Variants in PARD3 observed in about 807,000 individuals in gnomAD.
PARD3 encodes partitioning defective 3 homolog.
A neutral mutation model predicts 155.4 loss-of-function variants in PARD3; 75 were observed. The observed-to-expected ratio is 0.48, with a 90% CI of 0.40 to 0.58. The LOEUF is 0.58. Among genes scored for constraint, PARD3 ranks in the 20% least tolerant of loss-of-function variants. PARD3 has a pLI of 0.00. For synonymous variants in PARD3, 576 were observed against 610.5 expected, an observed-to-expected ratio of 0.94 and a Z score of 0.83; for missense variants, 1,642 against 1,721.7, an observed-to-expected ratio of 0.95 and a Z score of 0.82.
At chr10:34,765,671 CA>C (rs112970917) in intron 1 of PARD3, among the ~76,000 whole-genome samples, 130 of 135,830 alleles carry the variant, frequency 9.6e-4, no homozygotes, top group Middle Eastern at 3.9e-3. Context: ...GAGTAAGACT[CA>C]AAAAAAAAAA....
At chr10:34,666,796 A>AAAAATAT (rs1358640964) in intron 2 of PARD3, among the ~76,000 whole-genome samples, 24 of 66,936 alleles carry the variant, frequency 3.6e-4, no homozygotes, top group African/African-American at 1.5e-3. Context: ...AAAAAAAAAA[A>AAAAATAT]ATATATATAT....
At chr10:34,689,329 GAC>G (rs1474723640) in intron 2 of PARD3, among the ~76,000 whole-genome samples, 1 of 152,200 alleles carries the variant, frequency 6.6e-6, no homozygotes, top group Admixed American at 6.5e-5. Context: ...GTCCAGCCAT[GAC>G]TGTGAATCTG....
intron 22 of PARD3, among the ~76,000 whole-genome samples, chr10:34,234,863 G>A (rs1263991792): frequency 1.3e-5 from 2 of 152,080 alleles, no homozygotes; most frequent in Admixed American, 1.3e-4. Context: ...CAAATAATTG[G>A]TAAAAACAGA....
At chr10:34,171,578 C>T (rs544037131) in intron 22 of PARD3, among the ~76,000 whole-genome samples, 135 of 152,232 alleles carry the variant, frequency 8.9e-4, no homozygotes, top group African/African-American at 3.1e-3. Context: ...CATGGTCCTC[C>T]TACCCCTCCT....
At chr10:34,146,216 C>T (rs1948497990) in intron 22 of PARD3, among the ~76,000 whole-genome samples, 1 of 152,126 alleles carries the variant, frequency 6.6e-6, no homozygotes, top group Admixed American at 6.5e-5. Flanking sequence ...TTCTGTTATT[C>T]TTAATTCTCA....
At chr10:34,617,747 A>AG (rs2091356360) in intron 2 of PARD3, among the ~76,000 whole-genome samples, 1 of 152,240 alleles carries the variant, frequency 6.6e-6, no homozygotes, top group African/African-American at 2.4e-5. Flanking sequence ...AGACATGAGT[A>AG]GGCAGCCTTC....
chr10:34,718,781 G>A (rs1366160568), intron 1 of PARD3, among the ~76,000 whole-genome samples: 1 of 152,120 alleles, frequency 6.6e-6, no homozygotes, highest in Non-Finnish European at 1.5e-5. Context: ...TGACCAACAT[G>A]GTGAAACCCT....
At position 34,784,767 on chromosome 10, in the gene PARD3, C is replaced by G. The variant is rs1349893268; in HGVS notation, c.120+30109G>C. Reference sequence around the variant, plus strand: ...ATACTTTTTTAAGGATTTTCTTCCCCTTTTTTCCCCGTCTCTTCATCCCTT... The same window carrying G: ...ATACTTTTTTAAGGATTTTCTTCCCGTTTTTTCCCCGTCTCTTCATCCCTT... On this transcript the variant is annotated intron_variant, in intron 1 of 24. Coordinates refer to ENST00000374788, the MANE Select transcript of PARD3 (RefSeq NM_001184785.2). 2.0e-5 allele frequency among the ~76,000 whole-genome samples: 3 copies of G among 152,146 alleles called. No homozygotes were observed. In the East Asian group the frequency reaches 5.8e-4, roughly 29 times the overall value.
rs190561141 is a variant in PARD3 at position 34,314,952 on chromosome 10, A to G, written c.3065+2155T>C. 1.2e-3 allele frequency among the ~76,000 whole-genome samples: 181 copies of G among 152,284 alleles called. 2 individuals are homozygous for G. Among genetic ancestry groups the G allele is most frequent in the Admixed American group, 9.5e-3 (146 of 15,288 alleles). On this transcript the variant is annotated intron_variant, in intron 20 of 24. Transcript: ENST00000374788. ...CAAGGTGGGCTGATTCCAATAAACC[A>G]ATGATTCCACATACCTAAAAAAGTA...
At chr10:34,164,802 A>ACT (rs772128289) in intron 22 of PARD3, among the ~76,000 whole-genome samples, 31 of 152,214 alleles carry the variant, frequency 2.0e-4, no homozygotes, top group Non-Finnish European at 3.8e-4. Context: ...GGACGCACAC[A>ACT]CATACACACA....
At chr10:34,806,083 T>A (rs1588848638) in intron 1 of PARD3, among the ~76,000 whole-genome samples, 1 of 151,576 alleles carries the variant, frequency 6.6e-6, no homozygotes, top group Admixed American at 6.6e-5. Flanking sequence ...CAAGCTGGAG[T>A]GCAGTGACAC....
In PARD3 at chr10:34,520,460, C is replaced by T. The variant is rs143071133; in HGVS notation, c.223-3301G>A. Among the ~76,000 whole-genome samples, 113 of 152,216 alleles carry T rather than the reference C, an allele frequency of 7.4e-4. No homozygotes were observed. In the East Asian group the frequency reaches 0.019, roughly 26 times the overall value. The stretch of plus-strand genomic sequence containing the variant: ...CAAAAAAAAGGGAAAGGTATGCATA[C>T]GTATACACCAAAACATCCATATATA... On this transcript the variant is annotated intron_variant, in intron 2 of 24. Coordinates refer to ENST00000374788, the MANE Select transcript of PARD3 (RefSeq NM_001184785.2).
intron 2 of PARD3, among the ~76,000 whole-genome samples, chr10:34,606,890 C>A (rs1042550205): frequency 6.7e-6 from 1 of 150,188 alleles, no homozygotes; most frequent in African/African-American, 2.5e-5. Flanking sequence ...TCGCTTGAAC[C>A]CAGGAGGTGG....
At chr10:34,232,114 G>C (rs142464391) in intron 22 of PARD3, among the ~76,000 whole-genome samples, 1 of 152,120 alleles carries the variant, frequency 6.6e-6, no homozygotes, top group African/African-American at 2.4e-5. Flanking sequence ...TTTGAGAGCA[G>C]AGTCAGAGGT....
chr10:34,217,130 T>C (rs1952038706), intron 22 of PARD3, among the ~76,000 whole-genome samples: 1 of 151,994 alleles, frequency 6.6e-6, no homozygotes, highest in South Asian at 2.1e-4. Context: ...AGACACAGTG[T>C]GAAATCCAGT....
chr10:34,286,740 A>G (rs964412654), intron 20 of PARD3, among the ~76,000 whole-genome samples: 2 of 152,218 alleles, frequency 1.3e-5, no homozygotes, highest in African/African-American at 4.8e-5. Flanking sequence ...AAGGATTTGG[A>G]ACAGAGGAGC....
At chr10:34,382,432 G>C in intron 9 of PARD3, 108 bp downstream of exon 9, 1 of 1,040,678 alleles carries the variant, frequency 9.6e-7, no homozygotes, top group Non-Finnish European at 1.4e-6. Context: ...ATAAGACTCA[G>C]GGTGCTTTGG....
intron 3 of PARD3, among the ~76,000 whole-genome samples, chr10:34,487,048 T>G (rs570476410): frequency 4.6e-5 from 7 of 152,050 alleles, no homozygotes; most frequent in African/African-American, 1.7e-4. Context: ...AACTCAGAAT[T>G]TTCGGTCTGC....
chr10:34,527,867 A>G (rs1266523727), intron 2 of PARD3, among the ~76,000 whole-genome samples: 1 of 152,082 alleles, frequency 6.6e-6, no homozygotes, highest in Non-Finnish European at 1.5e-5. Context: ...CTTTTTTGCT[A>G]CTCTCATTAT....
Sources: gnomAD v4.1 joint callset for allele counts (sites outside exome capture counted in the v4.1 genomes callset) on GRCh38, gnomAD v4.1.1 for gene constraint, MANE v1.5 for transcripts, NCBI Gene and HGNC (gene_info 2026-07-23, HGNC 2026-07-21) for gene names.